The following BST2 variants were observed in gnomAD, a reference collection of about 807,000 sequenced individuals.
BST2 encodes bone marrow stromal cell antigen 2.
A neutral mutation model predicts 18.6 loss-of-function variants in BST2; 10 were observed. The observed-to-expected ratio is 0.54, with a 90% confidence interval of 0.33 to 0.91. The LOEUF (loss-of-function observed/expected upper bound fraction) is 0.91, where lower values mean the gene tolerates loss of function less well. BST2 is among the 40% of genes least tolerant of loss of function. The pLI is 0.02. For synonymous variants in BST2, 75 were observed against 96.8 expected (o/e 0.77, Z 1.32); for missense variants, 183 against 228.4 (o/e 0.80, Z 1.28).
At chr19:17,404,908 T>C (rs2074717030) in intron 1 of BST2, among the ~76,000 whole-genome samples, 1 of 152,082 alleles carries the variant, frequency 6.6e-6, no homozygotes, top group Non-Finnish European at 1.5e-5. Context: ...TTTTTCAGGG[T>C]CTGGTGAGGT....
Position 17,405,462 on chromosome 19 carries a change from C to A in BST2, c.114G>T (p.Gly38=), listed in dbSNP as rs750967302. 15 of 1,614,112 alleles carry A rather than the reference C, an allele frequency of 9.3e-6. No individual in the cohort carries two copies. Among genetic ancestry groups the A allele is most frequent in the Non-Finnish European group, 1.0e-5 (12 of 1,180,054 alleles). ...TGATGGTGAAGATAATCAAGGGCAC[C>A]CCCAGAATCACGATGATCAGGAGCA... ...ILVLLIIVIL[G]VPLIIFTIKA... Residue 38 remains glycine (G), a synonymous_variant, in exon 1 of 5, where the codon GGG becomes GGT. Transcript: ENST00000252593.
At chr19:17,403,997 G>A in intron 3 of BST2, 132 bp downstream of exon 3, 1 of 1,329,994 alleles carries the variant, frequency 7.5e-7, no homozygotes, top group Non-Finnish European at 1.0e-6. Flanking sequence ...TTATCCTTTT[G>A]TGGGACTCAA....
chr19:17,403,014 C>CAA lies in BST2; in HGVS notation c.*326_*327dup. On this transcript the variant is annotated 3_prime_UTR_variant, in exon 5 of 5. Coordinates refer to ENST00000252593, the MANE Select transcript of BST2 (RefSeq NM_004335.4). ...CCCCAGAAAAAAGCAACCCCCCCCG[C>CAA]AAAAAAAACCCATAACAACAGGCAG... is the stretch of plus-strand genomic sequence containing the variant. 1 of 984,008 alleles carries CAA rather than the reference C, an allele frequency of 1.0e-6. No homozygotes were observed. The highest frequency in any genetic ancestry group is 5.2e-4 in the Middle Eastern group (1 of 1,912). 61.0% of individuals were successfully genotyped at this position (984,008 alleles called of 1,614,324 possible).
intron 3 of BST2, 96 bp downstream of exon 3, chr19:17,404,032 AT>A: frequency 7.0e-7 from 1 of 1,426,836 alleles, no homozygotes; most frequent in Non-Finnish European, 9.6e-7. Context: ...GGCAATGGGG[AT>A]TTTGGGAGCA....
At chr19:17,403,601 T>G in intron 4 of BST2, 79 bp downstream of exon 4, 1 of 1,517,710 alleles carries the variant, frequency 6.6e-7, no homozygotes, top group East Asian at 2.3e-5. Context: ...CCTCTCTCTC[T>G]AGACTTCGGA....
chr19:17,403,773 G>A lies in BST2; in HGVS notation c.465C>T (p.Pro155=). The change falls in exon 4 of 5, where the codon CCC becomes CCT. Residue 155 remains proline, a synonymous_variant. Transcript: ENST00000252593. ...SVRIADKKYY[P]SSQDSSSAAA... ...CAGCGGAGCTGGAGTCCTGGGAGCTGGGGTAGTACTTCTTGTCCGCGATTC... is the reference window on the plus strand; with the variant it reads ...CAGCGGAGCTGGAGTCCTGGGAGCTAGGGTAGTACTTCTTGTCCGCGATTC... 1 of 1,614,040 alleles carries A rather than the reference G, an allele frequency of 6.2e-7. No individual in the cohort carries two copies. Among genetic ancestry groups the A allele is most frequent in the Non-Finnish European group, 8.5e-7 (1 of 1,180,006 alleles).
chr19:17,404,280 C>G, intron 2 of BST2, 91 bp from the exon 3 acceptor site: 1 of 1,539,754 alleles, frequency 6.5e-7, no homozygotes, highest in Non-Finnish European at 9.0e-7. Context: ...CTCCCCCTTA[C>G]CCCAACCTCC....
intron 1 of BST2, 179 bp from the exon 2 acceptor site, chr19:17,404,616 C>T (rs2145745704): frequency 1.1e-6 from 1 of 889,866 alleles, no homozygotes; most frequent in Non-Finnish European, 1.7e-6. Flanking sequence ...CAACCACACA[C>T]TCTCCCAGGG....
At chr19:17,403,559 C>G in intron 4 of BST2, 121 bp downstream of exon 4, 1 of 1,369,318 alleles carries the variant, frequency 7.3e-7, no homozygotes, top group Non-Finnish European at 9.6e-7. Context: ...CCCAAGGCCC[C>G]TCACCTCTGC....
At chr19:17,404,572 C>A in intron 1 of BST2, 135 bp from the exon 2 acceptor site, 2 of 1,341,282 alleles carry the variant, frequency 1.5e-6, no homozygotes, top group Non-Finnish European at 1.0e-6. Flanking sequence ...CCAACCCTCT[C>A]TGCACCATGG....
intron 3 of BST2, 118 bp downstream of exon 3, chr19:17,404,011 T>G (rs2074711182): frequency 4.4e-6 from 6 of 1,369,156 alleles, no homozygotes; most frequent in South Asian, 3.8e-5. Flanking sequence ...GACTCAAACT[T>G]TATCCCTTGG....
rs1443051901 is a variant in BST2, at chr19:17,404,129, C to T, written c.413G>A (p.Arg138Lys). 1 of 1,586,180 alleles carries T rather than the reference C, an allele frequency of 6.3e-7. No individual in the cohort carries two copies. The highest frequency in any genetic ancestry group is 1.1e-5 in the South Asian group (1 of 87,386). The change falls in exon 3 of 5, where the codon AGA becomes AAA. Residue 138 changes from arginine (R) to lysine (K), a missense_variant and splice_region_variant. Transcript: ENST00000252593. ...QDASAEVERLRRENQVLSVRI... is the reference protein window; with the variant it reads ...QDASAEVERLKRENQVLSVRI... ...GTAGCGGGGGAAGGCTATCTCTGACCTCAGTCGCTCCACCTCTGCAGACGC... is the reference window on the plus strand; with the variant it reads ...GTAGCGGGGGAAGGCTATCTCTGACTTCAGTCGCTCCACCTCTGCAGACGC...
chr19:17,404,471 G>C, intron 1 of BST2, 34 bp from the exon 2 acceptor site: 1 of 1,613,948 alleles, frequency 6.2e-7, no homozygotes, highest in Non-Finnish European at 8.5e-7. Flanking sequence ...TTTTGGCCTG[G>C]GGAGTTTGGC....
At chr19:17,403,928 AG>A in intron 3 of BST2, 104 bp from the exon 4 acceptor site, 1 of 1,473,246 alleles carries the variant, frequency 6.8e-7, no homozygotes, top group Non-Finnish European at 9.1e-7. Context: ...CCCCAATCCA[AG>A]TCACCGGGGA....
chr19:17,405,150 CT>C lies in BST2; in HGVS notation c.285+140del, dbSNP rs2145746149. On this transcript the variant is annotated intron_variant, in intron 1 of 4. Transcript: ENST00000252593. ...AACCCTGGTAGGGGAACCTAGGTCC[CT>C]TGATGTGGGGGCCCAGGAGCAGTTT... is the stretch of plus-strand genomic sequence containing the variant. 4.4e-6 allele frequency: 5 copies of C among 1,144,682 alleles called. No individual in the cohort carries two copies. The South Asian group carries it at 8.3e-5, about 19-fold the overall frequency. 70.9% of individuals were successfully genotyped at this position (1,144,682 alleles called of 1,614,324 possible).
Position 17,403,114 on chromosome 19 carries a change from G to C in BST2, c.*228C>G, listed in dbSNP as rs1016452046. 2.2e-5 allele frequency: 22 copies of C among 985,328 alleles called. No homozygotes were observed. The African/African-American group carries it at 3.9e-4, about 17-fold the overall frequency. The allele number at this position is 985,328 out of a possible 1,614,324, so 61.0% of individuals were successfully genotyped here. A position where few individuals can be genotyped will look rare whatever the true frequency, so the allele number is the denominator to read the frequency against. On this transcript the variant is annotated 3_prime_UTR_variant, in exon 5 of 5. Coordinates refer to ENST00000252593, the MANE Select transcript of BST2 (RefSeq NM_004335.4). The stretch of plus-strand genomic sequence containing the variant: ...AGAGGGGGGACTCATTGTCCGGAGG[G>C]AGGCTCTGGAGGGAGACAGCCCTGG...
rs199684136 is a variant in BST2 at position 17,403,004 on chromosome 19, AC to A, written c.*337del. 3.1e-4 allele frequency: 304 copies of A among 978,684 alleles called. 1 individual carries two copies. In the African/African-American group the frequency reaches 4.8e-3, roughly 16 times the overall value. 60.6% of individuals were successfully genotyped at this position (978,684 alleles called of 1,614,324 possible). On this transcript the variant is annotated 3_prime_UTR_variant, in exon 5 of 5. Transcript: ENST00000252593. ...AGCTCAAAGACCCCAGAAAAAAGCA[AC>A]CCCCCCCGCAAAAAAAACCCATAAC...
chr19:17,404,668 GCC>G, intron 1 of BST2: 2 of 552,008 alleles, frequency 3.6e-6, no homozygotes, highest in Non-Finnish European at 3.1e-6. Context: ...GAGTTTTGAG[GCC>G]ACCCCACGTG....
In BST2 at chr19:17,405,620, C is replaced by A; in HGVS notation, c.-45G>T. The stretch of plus-strand genomic sequence containing the variant: ...TCTGGCCTGGAGTTAGGGGAGGGTG[C>A]TGGAATCTTCTACGGGCCACCCCTT... On this transcript the variant is annotated 5_prime_UTR_variant, in exon 1 of 5. Transcript: ENST00000252593. 6.6e-7 allele frequency: 1 copy of A among 1,506,716 alleles called. No homozygotes were observed. The highest frequency in any genetic ancestry group is 9.0e-7 in the Non-Finnish European group (1 of 1,109,972). 93.3% of individuals were successfully genotyped at this position (1,506,716 alleles called of 1,614,324 possible). A position where few individuals can be genotyped will look rare whatever the true frequency, so the allele number is the denominator to read the frequency against.
Sources: gnomAD v4.1 joint callset for allele counts (sites outside exome capture counted in the v4.1 genomes callset) on GRCh38, gnomAD v4.1.1 for gene constraint, MANE v1.5 for transcripts, NCBI Gene and HGNC (gene_info 2026-07-23, HGNC 2026-07-21) for gene names.